Variants in ORC4 observed in about 807,000 individuals in gnomAD.
ORC4 encodes origin recognition complex, subunit 4 homolog.
ORC4 carries 55 observed loss-of-function variants against 63.9 expected under a neutral mutation model. The observed-to-expected ratio is 0.86, with a 90% CI of 0.69 to 1.08. The LOEUF is 1.08. Among genes scored for constraint, ORC4 ranks in the 50% least tolerant of loss-of-function variants. ORC4 has a pLI of 0.00. For missense variants in ORC4, 511 were observed against 504.4 expected (o/e 1.01, Z -0.13); for synonymous variants, 150 against 168.5 (o/e 0.89, Z 0.85).
At chr2:147,963,426 G>A (rs570056720) in intron 4 of ORC4, among the ~76,000 whole-genome samples, 14 of 152,296 alleles carry the variant, frequency 9.2e-5, no homozygotes, top group African/African-American at 3.4e-4. Flanking sequence ...TAGTGGGCAT[G>A]CCCATAAGCC....
intron 1 of ORC4, among the ~76,000 whole-genome samples, chr2:148,012,454 T>A (rs1430947820): frequency 3.9e-5 from 6 of 151,924 alleles, no homozygotes; most frequent in Non-Finnish European, 8.8e-5. Flanking sequence ...CAAAGAAAAA[T>A]GCATTAAAGA....
At chr2:147,972,675 T>C in intron 4 of ORC4, 64 bp downstream of exon 4, 1 of 797,064 alleles carries the variant, frequency 1.3e-6, no homozygotes, top group Non-Finnish European at 2.0e-6. Flanking sequence ...TATGAATTTA[T>C]TTATTCTTAT....
intron 4 of ORC4, among the ~76,000 whole-genome samples, chr2:147,969,623 AG>A (rs1386216538): frequency 1.3e-5 from 2 of 151,876 alleles, no homozygotes; most frequent in Non-Finnish European, 2.9e-5. Context: ...ATGCTGAGAG[AG>A]GGGGAAAAAA....
intron 1 of ORC4, among the ~76,000 whole-genome samples, chr2:148,019,143 G>A (rs1216896215): frequency 6.6e-6 from 1 of 151,976 alleles, no homozygotes; most frequent in Non-Finnish European, 1.5e-5. Context: ...TAAAGCACAG[G>A]AGTCTAGTTT....
chr2:148,008,229 G>T (rs1332907157), intron 1 of ORC4, among the ~76,000 whole-genome samples: 2 of 152,212 alleles, frequency 1.3e-5, no homozygotes, highest in Non-Finnish European at 2.9e-5. Flanking sequence ...ACTCACTGGT[G>T]AAAGTAAGTG....
chr2:147,989,868 T>C (rs965070853), intron 1 of ORC4, among the ~76,000 whole-genome samples: 3 of 152,164 alleles, frequency 2.0e-5, no homozygotes, highest in Non-Finnish European at 2.9e-5. Flanking sequence ...CTTGGTAAAA[T>C]TAGTGGATGA....
chr2:147,957,677 G>A (rs17219106), intron 6 of ORC4, among the ~76,000 whole-genome samples: 1,855 of 152,200 alleles, frequency 0.012, 46 homozygotes, highest in African/African-American at 0.042. Context: ...CAGAATAACT[G>A]ACATTTGTAC....
chr2:147,983,206 T>G (rs1690991781), intron 1 of ORC4, among the ~76,000 whole-genome samples: 1 of 152,220 alleles, frequency 6.6e-6, no homozygotes, highest in African/African-American at 2.4e-5. Flanking sequence ...ACATAGCAAT[T>G]GCACTCTTGG....
chr2:147,969,028 G>A (rs1198358860), intron 4 of ORC4, among the ~76,000 whole-genome samples: 1 of 151,792 alleles, frequency 6.6e-6, no homozygotes, highest in African/African-American at 2.4e-5. Flanking sequence ...AAATAAGCCA[G>A]GAAAAGAAAG....
chr2:147,941,046 A>G (rs908668037), intron 10 of ORC4, among the ~76,000 whole-genome samples: 4 of 152,008 alleles, frequency 2.6e-5, no homozygotes, highest in Admixed American at 2.0e-4. Flanking sequence ...TTTTGCACCA[A>G]CCTAATACTT....
chr2:147,959,068 T>C (rs1330380944), intron 4 of ORC4, among the ~76,000 whole-genome samples: 1 of 152,034 alleles, frequency 6.6e-6, no homozygotes, highest in Admixed American at 6.6e-5. Context: ...CCAGGACTGA[T>C]ACAATATTCT....
At chr2:148,005,067 A>C (rs1178531265) in intron 1 of ORC4, among the ~76,000 whole-genome samples, 1 of 152,210 alleles carries the variant, frequency 6.6e-6, no homozygotes, top group Non-Finnish European at 1.5e-5. Context: ...TATATACCCA[A>C]AGGATTATAA....
intron 1 of ORC4, among the ~76,000 whole-genome samples, chr2:147,989,290 AGT>A (rs879923828): frequency 6.6e-6 from 1 of 152,136 alleles, no homozygotes; most frequent in African/African-American, 2.4e-5. Context: ...GTTGGGGTGG[AGT>A]ATGGGGGCAT....
chr2:147,955,458 G>A, intron 6 of ORC4, 63 bp from the exon 7 acceptor site: 1 of 1,171,452 alleles, frequency 8.5e-7, no homozygotes, highest in East Asian at 2.4e-5. Flanking sequence ...AAAGATGGCT[G>A]TCTGATTCTC....
At chr2:148,000,422 TC>T (rs1266771449) in intron 1 of ORC4, among the ~76,000 whole-genome samples, 1 of 152,146 alleles carries the variant, frequency 6.6e-6, no homozygotes, top group Non-Finnish European at 1.5e-5. Context: ...TGCTATGAAT[TC>T]CTTCAAAGCT....
chr2:147,995,400 C>T (rs568948294), intron 1 of ORC4, among the ~76,000 whole-genome samples: 85 of 152,200 alleles, frequency 5.6e-4, no homozygotes, highest in African/African-American at 1.9e-3. Flanking sequence ...TGGCATGGAC[C>T]AATCAGCAGG....
At position 147,932,902 on chromosome 2, in the gene ORC4, T is replaced by C. The variant is rs1378369599; in HGVS notation, c.*2608A>G. The C allele has an allele frequency of 6.6e-6, 1 of 152,110 alleles. No homozygotes were observed. The highest frequency in any genetic ancestry group is 1.9e-4 in the East Asian group (1 of 5,194). The allele number at this position is 152,110 out of a possible 1,614,324, so 9.4% of individuals were successfully genotyped here. On this transcript the variant is annotated 3_prime_UTR_variant, in exon 14 of 14. Coordinates refer to ENST00000392857, the MANE Select transcript of ORC4 (RefSeq NM_181741.4). ...AAGACTGAAGTGTTTCTTACGGTGT[T>C]TTCTGCAAAACGTGATTCATTAGGA...
chr2:147,950,049 G>A (rs1688868058), intron 8 of ORC4, among the ~76,000 whole-genome samples: 1 of 152,114 alleles, frequency 6.6e-6, no homozygotes, highest in African/African-American at 2.4e-5. Context: ...GCCTGAGGTA[G>A]GAGGTGGGAG....
chr2:147,957,556 A>T (rs971152070), intron 6 of ORC4, among the ~76,000 whole-genome samples: 2 of 152,132 alleles, frequency 1.3e-5, no homozygotes, highest in South Asian at 4.1e-4. Flanking sequence ...GAAAGGTAAA[A>T]GTTTAATACA....
Sources: allele counts gnomAD v4.1 joint callset (sites outside exome capture counted in the v4.1 genomes callset), GRCh38; gene constraint gnomAD v4.1.1; transcripts MANE v1.5; gene names NCBI Gene and HGNC (gene_info 2026-07-23, HGNC 2026-07-21).